The following WDR70 variants were observed in gnomAD, a reference collection of about 807,000 sequenced individuals.
The protein encoded by WDR70 is WD repeat domain 70.
WDR70 carries 53 observed loss-of-function variants against 88.6 expected under a neutral mutation model. The ratio of observed to expected loss-of-function variants is 0.60; its 90% CI spans 0.48 to 0.75. The LOEUF (loss-of-function observed/expected upper bound fraction) is 0.75, where lower values mean the gene tolerates loss of function less well. WDR70 is among the 30% of genes least tolerant of loss of function. The probability of loss-of-function intolerance (pLI) is 0.00; values close to 1 mark genes in which losing one functional copy is unlikely to be tolerated. For missense variants in WDR70, 610 were observed against 823.2 expected (o/e 0.74, Z 3.17); for synonymous variants, 280 against 270.0 (o/e 1.04, Z -0.36).
intron 9 of WDR70, among the ~76,000 whole-genome samples, chr5:37,579,323 C>T (rs56012231): frequency 0.57 from 87,143 of 151,952 alleles, 27,098 homozygotes; most frequent in Non-Finnish European, 0.69. Flanking sequence ...CGGTGGCTCA[C>T]GCCTGTAATC....
Position 37,379,555 on chromosome 5 carries a change from G to T in WDR70, c.91+1G>T. On this transcript the variant is annotated splice_donor_variant, in intron 2 of 17. Transcript: ENST00000265107. LOFTEE classifies it high-confidence loss of function. ...GTCACCATGGGCTTCACGGGGTTCG[G>T]TGAGTGACTGCCCCAGGCAGAGACC... 6.2e-7 allele frequency: 1 copy of T among 1,613,946 alleles called. No individual in the cohort carries two copies. Among genetic ancestry groups the T allele is most frequent in the Non-Finnish European group, 8.5e-7 (1 of 1,179,856 alleles).
intron 17 of WDR70, among the ~76,000 whole-genome samples, chr5:37,751,601 A>G (rs1397234608): frequency 6.6e-6 from 1 of 152,250 alleles, no homozygotes; most frequent in Non-Finnish European, 1.5e-5. Context: ...TATTTTTACC[A>G]TTCTGGAATT....
At chr5:37,591,660 A>G (rs751291470) in intron 9 of WDR70, among the ~76,000 whole-genome samples, 5 of 152,230 alleles carry the variant, frequency 3.3e-5, no homozygotes, top group Non-Finnish European at 7.3e-5. Flanking sequence ...AACTAAAAGA[A>G]GAAACACACT....
chr5:37,724,063 C>T, intron 15 of WDR70: 1 of 152,108 alleles, frequency 6.6e-6, no homozygotes, highest in East Asian at 1.9e-4. Flanking sequence ...CCTTTCCCTT[C>T]CTTCCCCTGG....
At chr5:37,719,988 G>A (rs371415515) in intron 13 of WDR70, among the ~76,000 whole-genome samples, 16 of 151,860 alleles carry the variant, frequency 1.1e-4, no homozygotes, top group African/African-American at 1.4e-4. Context: ...GACTACAGGC[G>A]CGTGCCACCA....
At chr5:37,512,121 T>G (rs1201150148) in intron 8 of WDR70, among the ~76,000 whole-genome samples, 2 of 152,236 alleles carry the variant, frequency 1.3e-5, no homozygotes, top group Non-Finnish European at 2.9e-5. Context: ...TTCTGGTGAC[T>G]CGGGGTATTC....
intron 8 of WDR70, among the ~76,000 whole-genome samples, chr5:37,502,700 A>G (rs1740441658): frequency 6.6e-6 from 1 of 152,228 alleles, no homozygotes; most frequent in Non-Finnish European, 1.5e-5. Flanking sequence ...TGCATGCTGT[A>G]CAGGAAGCAT....
intron 10 of WDR70, among the ~76,000 whole-genome samples, chr5:37,613,139 G>A (rs1423589137): frequency 6.6e-6 from 1 of 152,128 alleles, no homozygotes; most frequent in East Asian, 1.9e-4. Context: ...AAAAATACTG[G>A]CTTTTGAGAA....
intron 9 of WDR70, among the ~76,000 whole-genome samples, chr5:37,521,523 T>C (rs1250355354): frequency 6.6e-6 from 1 of 152,162 alleles, no homozygotes; most frequent in Non-Finnish European, 1.5e-5. Flanking sequence ...CAAAGTCCAA[T>C]GTATCATTCT....
chr5:37,492,064 T>A (rs1055481620), intron 8 of WDR70, among the ~76,000 whole-genome samples: 15 of 152,196 alleles, frequency 9.9e-5, no homozygotes, highest in African/African-American at 3.1e-4. Flanking sequence ...CATGGCTTCA[T>A]TCAACAGGGA....
chr5:37,438,907 C>T (rs1418865412), intron 6 of WDR70, among the ~76,000 whole-genome samples: 3 of 31,406 alleles, frequency 9.6e-5, no homozygotes, highest in South Asian at 6.9e-3. Context: ...AGTCCTCATT[C>T]GTTTTTTTTT....
At chr5:37,558,919 CTT>C (rs112687653) in intron 9 of WDR70, among the ~76,000 whole-genome samples, 63 of 143,754 alleles carry the variant, frequency 4.4e-4, no homozygotes, top group African/African-American at 1.2e-3. Context: ...TTGGTGTATT[CTT>C]TTTTTTTTTT....
At chr5:37,632,514 C>A (rs1274752633) in intron 10 of WDR70, among the ~76,000 whole-genome samples, 1 of 152,082 alleles carries the variant, frequency 6.6e-6, no homozygotes, top group Non-Finnish European at 1.5e-5. Context: ...GATCCTGACC[C>A]TGTGTAGGTC....
intron 17 of WDR70, among the ~76,000 whole-genome samples, chr5:37,732,765 C>G (rs1291158064): frequency 6.6e-6 from 1 of 151,962 alleles, no homozygotes; most frequent in East Asian, 1.9e-4. Context: ...TCATGTATGG[C>G]AAATATTTCT....
rs191400883 is a variant in WDR70, at chr5:37,717,544, G to C, written c.1417-3571G>C. ...CTTCTTCAAGAACAGGATGAAGAAAGTTTGGGGTGGTTGGTTGATCGAGGG... is the reference window on the plus strand; with the variant it reads ...CTTCTTCAAGAACAGGATGAAGAAACTTTGGGGTGGTTGGTTGATCGAGGG... On this transcript the variant is annotated intron_variant, in intron 13 of 17. Coordinates refer to ENST00000265107, the MANE Select transcript of WDR70 (RefSeq NM_018034.4). Among the ~76,000 whole-genome samples the C allele has an allele frequency of 2.0e-4, 31 of 152,336 alleles. No homozygotes were observed. In the East Asian group the frequency reaches 3.9e-3, roughly 19 times the overall value.
intron 10 of WDR70, among the ~76,000 whole-genome samples, chr5:37,610,651 G>T (rs1209058286): frequency 6.6e-6 from 1 of 152,054 alleles, no homozygotes; most frequent in Non-Finnish European, 1.5e-5. Context: ...TAAGACAAAA[G>T]AAATTTAAAC....
At chr5:37,438,565 T>G (rs1750553533) in intron 6 of WDR70, among the ~76,000 whole-genome samples, 2 of 152,130 alleles carry the variant, frequency 1.3e-5, no homozygotes, top group Non-Finnish European at 2.9e-5. Context: ...AAGTAGTAGT[T>G]AAATGAGTGA....
intron 10 of WDR70, among the ~76,000 whole-genome samples, chr5:37,656,864 G>A (rs188860906): frequency 3.7e-4 from 56 of 152,276 alleles, no homozygotes; most frequent in Admixed American, 1.6e-3. Context: ...TCAAGCCAGC[G>A]GATCTTAGCT....
At chr5:37,628,960 G>A (rs941785446) in intron 10 of WDR70, among the ~76,000 whole-genome samples, 6 of 152,134 alleles carry the variant, frequency 3.9e-5, no homozygotes, top group African/African-American at 1.2e-4. Flanking sequence ...GACTGTTCTA[G>A]TGGTGATAAA....
Sources: gnomAD v4.1 joint callset for allele counts (sites outside exome capture counted in the v4.1 genomes callset) on GRCh38, gnomAD v4.1.1 for gene constraint, MANE v1.5 for transcripts, NCBI Gene and HGNC (gene_info 2026-07-23, HGNC 2026-07-21) for gene names.